The following FOXP1 variants were observed in gnomAD, a reference collection of about 807,000 sequenced individuals.
FOXP1 encodes forkhead box protein P1.
A neutral mutation model predicts 98.2 loss-of-function variants in FOXP1; 15 were observed. The ratio of observed to expected loss-of-function variants is 0.15; its 90% CI spans 0.10 to 0.24. The LOEUF (loss-of-function observed/expected upper bound fraction) is 0.24, where lower values mean the gene tolerates loss of function less well. FOXP1 is among the 10% of genes least tolerant of loss of function. The pLI is 1.00. For synonymous variants in FOXP1, 371 were observed against 314.5 expected, an observed-to-expected ratio of 1.18 and a Z score of -1.90; for missense variants, 633 against 848.5, an observed-to-expected ratio of 0.75 and a Z score of 3.15.
intron 3 of FOXP1, among the ~76,000 whole-genome samples, chr3:71,470,303 A>C (rs932407602): frequency 1.3e-5 from 2 of 152,228 alleles, no homozygotes; most frequent in African/African-American, 4.8e-5. Context: ...TGTTATACAG[A>C]TAAAATCAGT....
intron 11 of FOXP1, among the ~76,000 whole-genome samples, chr3:71,032,288 AG>A (rs2046979822): frequency 6.6e-6 from 1 of 152,272 alleles, no homozygotes; most frequent in Admixed American, 6.5e-5. Context: ...CTGTCTGTGC[AG>A]TGGCACTGAG....
chr3:71,577,330 C>G (rs937570650), intron 2 of FOXP1, among the ~76,000 whole-genome samples: 1 of 151,866 alleles, frequency 6.6e-6, no homozygotes, highest in African/African-American at 2.4e-5. Flanking sequence ...TTCTAGAAAT[C>G]AAATATTCCT....
intron 6 of FOXP1, among the ~76,000 whole-genome samples, chr3:71,122,131 A>C (rs1434478282): frequency 6.6e-6 from 1 of 152,226 alleles, no homozygotes; most frequent in Non-Finnish European, 1.5e-5. Flanking sequence ...CACTGAACCC[A>C]GTTCTTTCTC....
At chr3:71,144,769 A>C (rs1344483551) in intron 6 of FOXP1, among the ~76,000 whole-genome samples, 1 of 152,078 alleles carries the variant, frequency 6.6e-6, no homozygotes, top group Non-Finnish European at 1.5e-5. Flanking sequence ...TATAATCACC[A>C]GCACAGTCGG....
intron 5 of FOXP1, among the ~76,000 whole-genome samples, chr3:71,294,812 T>C (rs960829628): frequency 4.6e-5 from 7 of 152,096 alleles, no homozygotes; most frequent in Admixed American, 1.3e-4. Flanking sequence ...TAAGTGACAA[T>C]GAGTGGGATG....
intron 3 of FOXP1, among the ~76,000 whole-genome samples, chr3:71,425,622 C>A (rs895243944): frequency 1.3e-5 from 2 of 151,880 alleles, no homozygotes; most frequent in African/African-American, 4.8e-5. Context: ...ATGAAAAAAA[C>A]AAGGAGAAGC....
intron 3 of FOXP1, among the ~76,000 whole-genome samples, chr3:71,481,720 G>C (rs2090290931): frequency 6.6e-6 from 1 of 151,908 alleles, no homozygotes; most frequent in Non-Finnish European, 1.5e-5. Context: ...CATGATACTT[G>C]ATAAAGAAAT....
chr3:71,039,534 T>C (rs927186026), intron 11 of FOXP1, among the ~76,000 whole-genome samples: 3 of 152,092 alleles, frequency 2.0e-5, no homozygotes, highest in African/African-American at 7.2e-5. Context: ...TCACAGGAAA[T>C]CTGTGCAGGC....
chr3:71,514,268 A>C (rs2042403720), intron 2 of FOXP1, among the ~76,000 whole-genome samples: 3 of 152,118 alleles, frequency 2.0e-5, no homozygotes, highest in Admixed American at 2.0e-4. Flanking sequence ...TACAAGTCTA[A>C]CTCATTCACC....
chr3:71,233,060 G>T lies in FOXP1; in HGVS notation c.-11-34668C>A, dbSNP rs138120397. Among the ~76,000 whole-genome samples the T allele has an allele frequency of 2.9e-3, 446 of 151,628 alleles. 3 individuals are homozygous for T. The highest frequency in any genetic ancestry group is 9.9e-3 in the African/African-American group (410 of 41,326). On this transcript the variant is annotated intron_variant, in intron 5 of 20. Transcript: ENST00000649528. ...CTCTGGAGGCTGAGGCAGGAGGATC[G>T]TTTGAACCCAGGAGGTTGGGGCTGC...
At chr3:71,246,623 T>A (rs2067769063) in intron 5 of FOXP1, among the ~76,000 whole-genome samples, 1 of 152,146 alleles carries the variant, frequency 6.6e-6, no homozygotes, top group Non-Finnish European at 1.5e-5. Flanking sequence ...CAAATACCCA[T>A]GAAATTAAAT....
At chr3:71,317,628 G>A (rs2075153690) in intron 4 of FOXP1, among the ~76,000 whole-genome samples, 1 of 151,978 alleles carries the variant, frequency 6.6e-6, no homozygotes, top group Non-Finnish European at 1.5e-5. Context: ...CTAAAACACA[G>A]ATGCTAGGCC....
chr3:71,181,535 G>T (rs1279202293), intron 6 of FOXP1, among the ~76,000 whole-genome samples: 1 of 152,258 alleles, frequency 6.6e-6, no homozygotes, highest in African/African-American at 2.4e-5. Context: ...ACTCTCATCA[G>T]TGGCATTCCA....
chr3:70,998,422 G>T (rs933261579), intron 13 of FOXP1, among the ~76,000 whole-genome samples: 2 of 152,158 alleles, frequency 1.3e-5, no homozygotes, highest in Non-Finnish European at 2.9e-5. Flanking sequence ...TAGCTTGTGA[G>T]ATTTGGCCTG....
chr3:71,280,950 A>G lies in FOXP1; in HGVS notation c.-12+18870T>C, dbSNP rs192927210. On this transcript the variant is annotated intron_variant, in intron 5 of 20. Transcript: ENST00000649528. ...GAGAGAAAACAGCTTGTTAGGTGTC[A>G]TGAAGATATACGAAGCAGCCCTTTC... is the stretch of plus-strand genomic sequence containing the variant. Among the ~76,000 whole-genome samples the G allele has an allele frequency of 3.7e-3, 567 of 151,690 alleles. 7 individuals carry two copies. Among genetic ancestry groups the G allele is most frequent in the Non-Finnish European group, 5.5e-3 (371 of 67,932 alleles).
chr3:71,560,309 T>C (rs2046441120), intron 2 of FOXP1, among the ~76,000 whole-genome samples: 1 of 152,216 alleles, frequency 6.6e-6, no homozygotes, highest in Non-Finnish European at 1.5e-5. Context: ...TCCTCACATC[T>C]TCCAGGCCTA....
At chr3:71,229,368 T>G (rs1443536323) in intron 5 of FOXP1, among the ~76,000 whole-genome samples, 7 of 152,236 alleles carry the variant, frequency 4.6e-5, no homozygotes, top group Non-Finnish European at 1.0e-4. Context: ...TTACTAGTAT[T>G]ATTTTACATT....
intron 3 of FOXP1, among the ~76,000 whole-genome samples, chr3:71,376,219 G>C (rs864386): frequency 0.55 from 83,955 of 151,830 alleles, 25,603 homozygotes; most frequent in East Asian, 0.99. Context: ...CAAACCACTG[G>C]AGTAAGATTA....
In FOXP1 at chr3:71,025,447, G is replaced by T. The variant is rs1208727393; in HGVS notation, c.870-9794C>A. 2.6e-5 allele frequency among the ~76,000 whole-genome samples: 4 copies of T among 152,114 alleles called. No homozygotes were observed. In the East Asian group the frequency reaches 7.7e-4, roughly 29 times the overall value. On this transcript the variant is annotated intron_variant, in intron 11 of 20. Coordinates refer to ENST00000649528, the MANE Select transcript of FOXP1 (RefSeq NM_001349338.3). ...CCTGATCTGTATCTGACCTAAAAAT[G>T]TCTATGCTTAAAGAAACAGTCACAA... is the stretch of plus-strand genomic sequence containing the variant.
Sources: allele counts gnomAD v4.1 joint callset (sites outside exome capture counted in the v4.1 genomes callset), GRCh38; gene constraint gnomAD v4.1.1; transcripts MANE v1.5; gene names NCBI Gene and HGNC (gene_info 2026-07-23, HGNC 2026-07-21).